DYNC1I1: variants seen among roughly 807,000 people sequenced by gnomAD.
DYNC1I1 encodes the protein dynein cytoplasmic 1 intermediate chain 1.
Under a neutral mutation model 86.6 loss-of-function variants are expected in DYNC1I1, and 43 were observed. The observed-to-expected ratio is 0.50, with a 90% CI of 0.39 to 0.64. The LOEUF (loss-of-function observed/expected upper bound fraction) is 0.64. Among genes scored for constraint, DYNC1I1 ranks in the 30% least tolerant of loss-of-function variants. DYNC1I1 has a pLI of 0.00. For missense variants in DYNC1I1, 604 were observed against 788.8 expected, an observed-to-expected ratio of 0.77 and a Z score of 2.81; for synonymous variants, 262 against 283.7, an observed-to-expected ratio of 0.92 and a Z score of 0.77.
chr7:95,790,591 C>T (rs937161860), intron 1 of DYNC1I1, among the ~76,000 whole-genome samples: 1 of 152,184 alleles, frequency 6.6e-6, no homozygotes, highest in African/African-American at 2.4e-5. Context: ...GTGTTTTCCT[C>T]AGCTGTTATA....
Position 96,062,947 on chromosome 7 carries a change from G to C in DYNC1I1, c.1510-13110G>C, listed in dbSNP as rs80126101. 7.6e-3 allele frequency among the ~76,000 whole-genome samples: 1,159 copies of C among 152,042 alleles called. 10 individuals carry two copies. Among genetic ancestry groups the C allele is most frequent in the African/African-American group, 0.026 (1,092 of 41,478 alleles). ...CTGAGTTGTGTCCCTGGGGTGGTTT[G>C]ACCTGTTTGTATTAGCTTTCCACTC... On this transcript the variant is annotated intron_variant, in intron 14 of 16. Coordinates refer to ENST00000447467, the MANE Select transcript of DYNC1I1 (RefSeq NM_001135556.2).
At chr7:96,062,273 G>C (rs1337410206) in intron 14 of DYNC1I1, among the ~76,000 whole-genome samples, 1 of 152,194 alleles carries the variant, frequency 6.6e-6, no homozygotes, top group East Asian at 1.9e-4. Flanking sequence ...TTTCAGCAGA[G>C]CTGTATTTTA....
intron 10 of DYNC1I1, among the ~76,000 whole-genome samples, chr7:95,997,454 G>A (rs1317510566): frequency 1.3e-5 from 2 of 151,958 alleles, no homozygotes; most frequent in East Asian, 1.9e-4. Flanking sequence ...TAATCAATAT[G>A]TATGATCTTT....
chr7:95,848,208 GTTTTT>G (rs55696943), intron 5 of DYNC1I1, among the ~76,000 whole-genome samples: 1 of 138,790 alleles, frequency 7.2e-6, no homozygotes. Context: ...ACTTACAGTT[GTTTTT>G]TTTTTTTTTT....
In DYNC1I1 at chr7:95,996,087, T is replaced by C. The variant is rs1793860876; in HGVS notation, c.969+14T>C. ...TTCCACTGTCAGGTAGGAGTCAGCGTAGTAAAAATAACTTACATCTCCTGC... is the reference window on the plus strand; with the variant it reads ...TTCCACTGTCAGGTAGGAGTCAGCGCAGTAAAAATAACTTACATCTCCTGC... On this transcript the variant is annotated intron_variant, in intron 10 of 16. Transcript: ENST00000447467. 6 of 1,613,874 alleles carry C rather than the reference T, an allele frequency of 3.7e-6. No individual in the cohort carries two copies. Among genetic ancestry groups the C allele is most frequent in the South Asian group, 1.1e-5 (1 of 91,072 alleles).
chr7:95,838,992 C>T (rs1436677754), intron 5 of DYNC1I1, among the ~76,000 whole-genome samples: 1 of 152,214 alleles, frequency 6.6e-6, no homozygotes, highest in Non-Finnish European at 1.5e-5. Flanking sequence ...GCTAAGACTT[C>T]CAGTATTAGG....
At chr7:96,006,162 A>G (rs574651816) in intron 10 of DYNC1I1, among the ~76,000 whole-genome samples, 3 of 152,360 alleles carry the variant, frequency 2.0e-5, no homozygotes, top group Admixed American at 6.5e-5. Context: ...ATAGTTCTGC[A>G]TATATCCCCA....
At chr7:95,793,014 A>T (rs1794344857) in intron 1 of DYNC1I1, among the ~76,000 whole-genome samples, 1 of 152,104 alleles carries the variant, frequency 6.6e-6, no homozygotes, top group Non-Finnish European at 1.5e-5. Context: ...CATATTTTCT[A>T]ACAGTGTTTT....
chr7:96,076,399 C>T (rs924211083), intron 15 of DYNC1I1, among the ~76,000 whole-genome samples: 1 of 152,220 alleles, frequency 6.6e-6, no homozygotes, highest in African/African-American at 2.4e-5. Flanking sequence ...CCCTTCATCC[C>T]TAAACGGTGG....
rs555186541 is a variant in DYNC1I1 at position 95,981,909 on chromosome 7, T to C, written c.581-2906T>C. Among the ~76,000 whole-genome samples the C allele has an allele frequency of 1.6e-4, 24 of 152,248 alleles. No individual in the cohort carries two copies. The South Asian group carries it at 3.1e-3, about 20-fold the overall frequency. On this transcript the variant is annotated intron_variant, in intron 7 of 16. Transcript: ENST00000447467. ...AAGCTGTAGAAACAGATACTTGAGG[T>C]AGAATATGGCATCTATCTTGGAGTA...
rs775187326 is a variant in DYNC1I1 at position 96,039,258 on chromosome 7, A to G, written c.1365-19A>G. ...TTCAGAGGTCACTGGAATTCTGCTC[A>G]TGTGTGCTCTTCCTACAGCAAAGCA... On this transcript the variant is annotated intron_variant, in intron 13 of 16. Coordinates refer to ENST00000447467, the MANE Select transcript of DYNC1I1 (RefSeq NM_001135556.2). 1.2e-6 allele frequency: 2 copies of G among 1,606,732 alleles called. No individual in the cohort carries two copies. Among genetic ancestry groups the G allele is most frequent in the East Asian group, 2.2e-5 (1 of 44,706 alleles).
At chr7:96,036,756 A>G (rs1369031005) in intron 13 of DYNC1I1, among the ~76,000 whole-genome samples, 1 of 152,186 alleles carries the variant, frequency 6.6e-6, no homozygotes, top group Non-Finnish European at 1.5e-5. Context: ...ACAAACCACC[A>G]TGCAGTTCCC....
At chr7:95,961,668 G>A (rs1284248654) in intron 6 of DYNC1I1, among the ~76,000 whole-genome samples, 1 of 152,194 alleles carries the variant, frequency 6.6e-6, no homozygotes, top group East Asian at 1.9e-4. Flanking sequence ...CAGAGGATGA[G>A]GTTGGCACAT....
intron 6 of DYNC1I1, among the ~76,000 whole-genome samples, chr7:95,872,140 G>A (rs754685274): frequency 6.6e-5 from 10 of 152,190 alleles, no homozygotes. Context: ...GTGGAGCAGT[G>A]GACAGTTGGC....
intron 5 of DYNC1I1, among the ~76,000 whole-genome samples, chr7:95,868,675 C>T (rs1480003574): frequency 6.6e-6 from 1 of 151,886 alleles, no homozygotes; most frequent in African/African-American, 2.4e-5. Flanking sequence ...GTTCCAGAAG[C>T]TGTTTTAAAA....
At chr7:95,868,685 A>T (rs528363708) in intron 5 of DYNC1I1, among the ~76,000 whole-genome samples, 1 of 152,324 alleles carries the variant, frequency 6.6e-6, no homozygotes, top group Admixed American at 6.5e-5. Flanking sequence ...CTGTTTTAAA[A>T]TACATATGTT....
intron 10 of DYNC1I1, among the ~76,000 whole-genome samples, chr7:95,999,682 G>GA (rs963536301): frequency 6.6e-6 from 1 of 152,122 alleles, no homozygotes; most frequent in African/African-American, 2.4e-5. Flanking sequence ...GAGGGAGTGT[G>GA]GGCTGGTGGT....
At chr7:95,914,448 G>T (rs1791418451) in intron 6 of DYNC1I1, among the ~76,000 whole-genome samples, 1 of 152,220 alleles carries the variant, frequency 6.6e-6, no homozygotes, top group Admixed American at 6.5e-5. Flanking sequence ...GGTCAGTCAT[G>T]TCTTTTTTTG....
At chr7:95,820,683 G>A (rs1795054426) in intron 4 of DYNC1I1, among the ~76,000 whole-genome samples, 1 of 152,238 alleles carries the variant, frequency 6.6e-6, no homozygotes, top group Non-Finnish European at 1.5e-5. Flanking sequence ...TCACTTGGTA[G>A]AGAAGATGGC....
Sources: gnomAD v4.1 joint callset for allele counts (sites outside exome capture counted in the v4.1 genomes callset) on GRCh38, gnomAD v4.1.1 for gene constraint, MANE v1.5 for transcripts, NCBI Gene and HGNC (gene_info 2026-07-23, HGNC 2026-07-21) for gene names.